The following DSCAML1 variants were observed in gnomAD, a reference collection of about 807,000 sequenced individuals.
DSCAML1 encodes the protein cell adhesion molecule DSCAML1.
A neutral mutation model predicts 200.5 loss-of-function variants in DSCAML1; 38 were observed. The observed-to-expected ratio is 0.19, with a 90% CI of 0.15 to 0.25. The LOEUF (loss-of-function observed/expected upper bound fraction) is 0.25. DSCAML1 is among the 10% of genes least tolerant of loss of function. The pLI, the probability that DSCAML1 is intolerant of heterozygous loss-of-function variation, is 1.00. For synonymous variants in DSCAML1, 1,215 were observed against 1,165.0 expected (o/e 1.04, Z -0.87); for missense variants, 2,223 against 2,858.8 (o/e 0.78, Z 5.07).
chr11:117,674,552 T>C (rs1337811783), intron 3 of DSCAML1, among the ~76,000 whole-genome samples: 1 of 152,114 alleles, frequency 6.6e-6, no homozygotes, highest in Non-Finnish European at 1.5e-5. Flanking sequence ...TCTCACTGGA[T>C]ATTGATGGGA....
At position 117,626,201 on chromosome 11, in the gene DSCAML1, C is replaced by A. The variant is rs925920763; in HGVS notation, c.512-93679G>T. 1.0e-4 allele frequency among the ~76,000 whole-genome samples: 8 copies of A among 79,130 alleles called. 1 individual carries two copies. The highest frequency in any genetic ancestry group is 9.8e-4 in the East Asian group (3 of 3,046). The allele number at this position is 79,130 out of a possible 152,430, so 51.9% of individuals were successfully genotyped here. A position where few individuals can be genotyped will look rare whatever the true frequency, so the allele number is the denominator to read the frequency against. On this transcript the variant is annotated intron_variant, in intron 3 of 32. Transcript: ENST00000651296. ...TAGCACAGCCCACTCTTGCTGAGAC[C>A]CCCCCCCCTCCTTCTTCTGGCATGA...
At chr11:117,628,570 A>G (rs962040814) in intron 3 of DSCAML1, among the ~76,000 whole-genome samples, 1 of 152,122 alleles carries the variant, frequency 6.6e-6, no homozygotes, top group Non-Finnish European at 1.5e-5. Context: ...TCTGAGACCC[A>G]TCTCCATACC....
chr11:117,802,319 G>C (rs1403010575), intron 1 of DSCAML1, among the ~76,000 whole-genome samples: 1 of 152,090 alleles, frequency 6.6e-6, no homozygotes, highest in African/African-American at 2.4e-5. Flanking sequence ...CATCTACTTG[G>C]CCCATGGGTC....
chr11:117,505,557 G>A lies in DSCAML1; in HGVS notation c.1959C>T (p.Ser653=). ...VTIESKEFMS[S]LQISSVSLKH... ...TGAGGGAGACGCTAGAGATCTGCAG[G>A]GAGCTCATGAATTCCTTGCTCTCGA... Residue 653 remains serine (S), a synonymous_variant, in exon 9 of 33, where the codon TCC becomes TCT. Coordinates refer to ENST00000651296, the MANE Select transcript of DSCAML1 (RefSeq NM_020693.4). The surrounding 1 kb of genome is among the most constrained non-coding windows in gnomAD (Gnocchi z 6.7). 6.2e-7 allele frequency: 1 copy of A among 1,613,706 alleles called. No homozygotes were observed.
In DSCAML1 at chr11:117,721,670, T is replaced by G. The variant is rs867235515; in HGVS notation, c.511+55121A>C. On this transcript the variant is annotated intron_variant, in intron 3 of 32. Transcript: ENST00000651296. ...CATATATTTAAATATATGTAATATA[T>G]AAATATATAAGCATATATTTATATA... 1.3e-4 allele frequency among the ~76,000 whole-genome samples: 19 copies of G among 147,822 alleles called. No homozygotes were observed. In the South Asian group the frequency reaches 4.0e-3, roughly 31 times the overall value.
chr11:117,602,369 T>A (rs2051482310), intron 3 of DSCAML1, among the ~76,000 whole-genome samples: 1 of 152,102 alleles, frequency 6.6e-6, no homozygotes, highest in African/African-American at 2.4e-5. Flanking sequence ...TCCCTCTATT[T>A]ATTTATTTAG....
chr11:117,568,633 G>T (rs1343134353), intron 3 of DSCAML1, among the ~76,000 whole-genome samples: 2 of 152,032 alleles, frequency 1.3e-5, no homozygotes, highest in East Asian at 3.9e-4. Flanking sequence ...GCTTCAAAGA[G>T]AATAAAATAC....
At chr11:117,712,312 A>C (rs1318666593) in intron 3 of DSCAML1, among the ~76,000 whole-genome samples, 1 of 152,090 alleles carries the variant, frequency 6.6e-6, no homozygotes, top group East Asian at 1.9e-4. Context: ...GGGTGTGGAC[A>C]GTGGGGGTTG....
intron 3 of DSCAML1, among the ~76,000 whole-genome samples, chr11:117,635,331 G>A (rs2052257372): frequency 6.6e-6 from 1 of 152,130 alleles, no homozygotes; most frequent in Non-Finnish European, 1.5e-5. Context: ...TGGCTGGTCA[G>A]GAATTTAGTG....
intron 18 of DSCAML1, among the ~76,000 whole-genome samples, chr11:117,460,223 G>A (rs141323254): frequency 1.2e-4 from 18 of 152,344 alleles, no homozygotes; most frequent in Admixed American, 2.0e-4. Context: ...TGTGAGCAGC[G>A]TGGCCTGACA....
chr11:117,470,068 C>T (rs2137175091), intron 15 of DSCAML1, 88 bp from the exon 16 acceptor site: 2 of 1,283,292 alleles, frequency 1.6e-6, no homozygotes, highest in Admixed American at 2.4e-5. Flanking sequence ...CCCTCCTGAG[C>T]TGGAGGGCTC....
intron 3 of DSCAML1, among the ~76,000 whole-genome samples, chr11:117,693,376 G>A (rs1243139383): frequency 2.6e-5 from 4 of 152,102 alleles, no homozygotes; most frequent in South Asian, 4.1e-4. Flanking sequence ...GGAGTCCCAC[G>A]TATCAGCTCT....
rs376799210 is a variant in DSCAML1, at chr11:117,631,690, C to CTGTG, written c.512-99172_512-99169dup. ...CATGTGCACACACATGTGATTGTGC[C>CTGTG]TGTGTGTGTGTGTGTGTGTGTATGC... On this transcript the variant is annotated intron_variant, in intron 3 of 32. Transcript: ENST00000651296. 1.6e-4 allele frequency among the ~76,000 whole-genome samples: 24 copies of CTGTG among 150,382 alleles called. 1 individual carries two copies. The highest frequency in any genetic ancestry group is 6.4e-4 in the South Asian group (3 of 4,720).
chr11:117,696,945 C>T (rs1023484165), intron 3 of DSCAML1, among the ~76,000 whole-genome samples: 4 of 152,190 alleles, frequency 2.6e-5, no homozygotes, highest in African/African-American at 9.7e-5. Context: ...AGCCTGAAAA[C>T]CCCACCTCCT....
chr11:117,631,417 G>A (rs530624281), intron 3 of DSCAML1, among the ~76,000 whole-genome samples: 71 of 152,304 alleles, frequency 4.7e-4, no homozygotes, highest in Non-Finnish European at 7.4e-4. Flanking sequence ...GAGAGCTGCG[G>A]GCTGCAGGCT....
chr11:117,474,982 C>T (rs1466210105), intron 14 of DSCAML1, among the ~76,000 whole-genome samples: 4 of 152,104 alleles, frequency 2.6e-5, no homozygotes. Context: ...GTCTCGATCT[C>T]CTGACCTCGT....
At chr11:117,803,476 TTC>T (rs2055680027) in intron 1 of DSCAML1, among the ~76,000 whole-genome samples, 1 of 151,270 alleles carries the variant, frequency 6.6e-6, no homozygotes, top group South Asian at 2.1e-4. Flanking sequence ...TTGTTGCAAT[TTC>T]TTTTTATCTT....
chr11:117,715,818 G>A (rs1565891215), intron 3 of DSCAML1, among the ~76,000 whole-genome samples: 1 of 152,156 alleles, frequency 6.6e-6, no homozygotes, highest in Non-Finnish European at 1.5e-5. Context: ...CATCCCAGAC[G>A]AGTGCAGAAC....
rs139339088 is a variant in DSCAML1 at position 117,480,561 on chromosome 11, G to A, written c.2667C>T (p.Asp889=). 4.0e-5 allele frequency: 63 copies of A among 1,563,680 alleles called. No homozygotes were observed. The African/African-American group carries it at 4.9e-4, about 12-fold the overall frequency. The change falls in exon 14 of 33, where the codon GAC becomes GAT. Residue 889 remains aspartate, a synonymous_variant. Coordinates refer to ENST00000651296, the MANE Select transcript of DSCAML1 (RefSeq NM_020693.4). This position sits in a 1 kb window ranked among gnomAD's most constrained non-coding sequence, Gnocchi z 4.1. ...CCTCCCGGATCTCCAGCTCTGGGGGGTCGGGGGGCTCTAGGGTGCGGCAGT... is the reference window on the plus strand; with the variant it reads ...CCTCCCGGATCTCCAGCTCTGGGGGATCGGGGGGCTCTAGGGTGCGGCAGT... The part of the protein sequence containing the change: ...LIQLTVQEPP[D]PPELEIREVK...
Sources: gnomAD v4.1 joint callset for allele counts (sites outside exome capture counted in the v4.1 genomes callset) on GRCh38, gnomAD v4.1.1 for gene constraint, Gnocchi (gnomAD v3.1) non-coding constraint, MANE v1.5 for transcripts, NCBI Gene and HGNC (gene_info 2026-07-23, HGNC 2026-07-21) for gene names.